Variants in FCHO1 observed in about 807,000 individuals in gnomAD.
The protein encoded by FCHO1 is F-BAR domain only protein 1.
In FCHO1, 45 loss-of-function variants were observed where a neutral mutation model predicts 114.4. The ratio of observed to expected loss-of-function variants is 0.39; its 90% CI spans 0.31 to 0.50. FCHO1 has a LOEUF of 0.50. FCHO1 is among the 20% of genes least tolerant of loss of function. The pLI is 0.77. For synonymous variants in FCHO1, 480 were observed against 488.9 expected, an observed-to-expected ratio of 0.98 and a Z score of 0.24; for missense variants, 1,042 against 1,209.6, an observed-to-expected ratio of 0.86 and a Z score of 2.06.
At chr19:17,761,841 A>G (rs1327646323) in intron 4 of FCHO1, among the ~76,000 whole-genome samples, 1 of 150,076 alleles carries the variant, frequency 6.7e-6, no homozygotes, top group East Asian at 1.9e-4. Context: ...TTGTATTTTT[A>G]GTAGAGACAG....
At chr19:17,749,536 A>G (rs1244847988), upstream of FCHO1, among the ~76,000 whole-genome samples, 3 of 152,146 alleles carry the variant, frequency 2.0e-5, no homozygotes, top group Non-Finnish European at 4.4e-5. Flanking sequence ...GGTACACAGT[A>G]GGCATTCAAT....
At chr19:17,786,523 C>T (rs370697478) in intron 26 of FCHO1, 51 bp from the exon 27 acceptor site, 6 of 1,589,380 alleles carry the variant, frequency 3.8e-6, no homozygotes, top group Non-Finnish European at 5.2e-6. Context: ...GGACCCTGGG[C>T]TCTCAGCATC....
chr19:17,752,833 G>A (rs528526683), intron 1 of FCHO1, among the ~76,000 whole-genome samples: 6 of 152,180 alleles, frequency 3.9e-5, no homozygotes, highest in Admixed American at 2.6e-4. Context: ...CTGGGAAGTC[G>A]AGGCTGCCAT....
rs188523079 is a variant in FCHO1 at position 17,768,782 on chromosome 19, G to A, written c.337-1643G>A. ...GGCTGGTCAAACATCTAACATATCT[G>A]CCTCAGCCTTCCAAAATGTTGGCAT... is the stretch of plus-strand genomic sequence containing the variant. On this transcript the variant is annotated intron_variant, in intron 7 of 28. Coordinates refer to ENST00000596536, the MANE Select transcript of FCHO1 (RefSeq NM_015122.3). Among the ~76,000 whole-genome samples, 581 of 151,722 alleles carry A rather than the reference G, an allele frequency of 3.8e-3. 3 individuals are homozygous for A. Among genetic ancestry groups the A allele is most frequent in the African/African-American group, 0.013 (525 of 41,360 alleles).
Position 17,755,106 on chromosome 19 carries a change from C to T in FCHO1, c.-47-12C>T, listed in dbSNP as rs571682697. 40 of 1,576,360 alleles carry T rather than the reference C, an allele frequency of 2.5e-5. No individual in the cohort carries two copies. The South Asian group carries it at 3.8e-4, about 15-fold the overall frequency. On this transcript the variant is annotated splice_polypyrimidine_tract_variant and intron_variant, in intron 3 of 28. Transcript: ENST00000596536. ...CAATGACTCTGTAGCTCAAACTTGCCTCTCTCTTCAGACAGGCACTGGACG... is the reference window on the plus strand; with the variant it reads ...CAATGACTCTGTAGCTCAAACTTGCTTCTCTCTTCAGACAGGCACTGGACG...
chr19:17,749,389 TACAG>T, upstream of FCHO1, among the ~76,000 whole-genome samples: 1 of 152,124 alleles, frequency 6.6e-6, no homozygotes, highest in Non-Finnish European at 1.5e-5. Flanking sequence ...GCTCTGTAAA[TACAG>T]ACATGATTAT....
chr19:17,758,039 C>T (rs1322877265), intron 4 of FCHO1, among the ~76,000 whole-genome samples: 2 of 151,004 alleles, frequency 1.3e-5, no homozygotes, highest in Non-Finnish European at 2.9e-5. Context: ...CACAGTGAAA[C>T]CCCGTCTCTA....
chr19:17,759,178 G>T (rs1231777222), intron 4 of FCHO1, among the ~76,000 whole-genome samples: 1 of 147,686 alleles, frequency 6.8e-6, no homozygotes, highest in African/African-American at 2.5e-5. Context: ...TATAAGACCT[G>T]ATTTGGTGCT....
upstream of FCHO1, among the ~76,000 whole-genome samples, chr19:17,748,512 G>C (rs1370006236): frequency 2.0e-5 from 3 of 151,714 alleles, no homozygotes; most frequent in Admixed American, 6.6e-5. Context: ...GGACTTGGGG[G>C]GGGGGTCCCT....
intron 3 of FCHO1, 69 bp downstream of exon 3, chr19:17,754,750 C>T: frequency 5.6e-6 from 1 of 177,616 alleles, no homozygotes; most frequent in South Asian, 9.8e-5. Flanking sequence ...TCAGAGCTTT[C>T]CTGTCAAGGT....
chr19:17,748,451 C>G (rs1051677452), upstream of FCHO1, among the ~76,000 whole-genome samples: 2 of 151,690 alleles, frequency 1.3e-5, no homozygotes, highest in African/African-American at 4.9e-5. Flanking sequence ...ACTGTGGGGT[C>G]CCCTGCCTGG....
intron 20 of FCHO1, 127 bp downstream of exon 20, chr19:17,779,011 C>G (rs2093021928): frequency 3.0e-6 from 3 of 1,010,752 alleles, no homozygotes; most frequent in African/African-American, 3.3e-5. Context: ...GAACCTCCCA[C>G]CGTTGCAGGG....
intron 20 of FCHO1, among the ~76,000 whole-genome samples, chr19:17,780,496 C>T (rs2093299012): frequency 6.6e-6 from 1 of 152,074 alleles, no homozygotes; most frequent in Non-Finnish European, 1.5e-5. Flanking sequence ...CCTGCAAATT[C>T]TGCCCCCCCA....
At chr19:17,757,543 A>G (rs1308900299) in intron 4 of FCHO1, among the ~76,000 whole-genome samples, 1 of 152,202 alleles carries the variant, frequency 6.6e-6, no homozygotes, top group Non-Finnish European at 1.5e-5. Flanking sequence ...AGAGAGACGA[A>G]GTCACCAACC....
chr19:17,749,474 G>A (rs2081391982), upstream of FCHO1, among the ~76,000 whole-genome samples: 1 of 152,114 alleles, frequency 6.6e-6, no homozygotes, highest in Admixed American at 6.5e-5. Context: ...GAGGGGAAGG[G>A]GGAGTCTATC....
chr19:17,787,864 T>C lies in FCHO1; in HGVS notation c.2647+18T>C, dbSNP rs777006190. 4.4e-6 allele frequency: 7 copies of C among 1,608,312 alleles called. No homozygotes were observed. The highest frequency in any genetic ancestry group is 5.9e-6 in the Non-Finnish European group (7 of 1,176,960). On this transcript the variant is annotated intron_variant, in intron 28 of 28. Coordinates refer to ENST00000596536, the MANE Select transcript of FCHO1 (RefSeq NM_015122.3). The stretch of plus-strand genomic sequence containing the variant: ...TGCCACAGGTACTCCCCAACCCTGC[T>C]GCTGGGTGACCTCAGGAGCCGAGAT...
chr19:17,772,851 C>T (rs879363222), intron 11 of FCHO1, 110 bp downstream of exon 11: 28 of 768,344 alleles, frequency 3.6e-5, no homozygotes, highest in South Asian at 2.6e-4. Flanking sequence ...TTAATAGAGA[C>T]GAGGTTTCAC....
chr19:17,751,001 C>A (rs2081819451), upstream of FCHO1, among the ~76,000 whole-genome samples: 1 of 151,900 alleles, frequency 6.6e-6, no homozygotes, highest in Non-Finnish European at 1.5e-5. The surrounding 1 kb of genome is among the most constrained non-coding windows in gnomAD (Gnocchi z 4.4). Flanking sequence ...GCCACCACGC[C>A]CAGCTAATTT....
At chr19:17,756,068 C>T (rs112833754) in intron 4 of FCHO1, among the ~76,000 whole-genome samples, 4 of 152,312 alleles carry the variant, frequency 2.6e-5, no homozygotes, top group African/African-American at 9.6e-5. Context: ...TCCCCAGTTG[C>T]AGGCCCTGAG....
Sources: gnomAD v4.1 joint callset for allele counts (sites outside exome capture counted in the v4.1 genomes callset) on GRCh38, gnomAD v4.1.1 for gene constraint, Gnocchi (gnomAD v3.1) non-coding constraint, MANE v1.5 for transcripts, NCBI Gene and HGNC (gene_info 2026-07-23, HGNC 2026-07-21) for gene names.